MIDEAS: variants seen among roughly 807,000 people sequenced by gnomAD.
MIDEAS encodes mitotic deacetylase-associated SANT domain protein.
In MIDEAS, 26 loss-of-function variants were observed where a neutral mutation model predicts 102.7. That is an observed-to-expected ratio of 0.25 (90% CI 0.19 to 0.35). MIDEAS has a LOEUF of 0.35. MIDEAS is among the 10% of genes least tolerant of loss of function. MIDEAS has a pLI of 1.00. For synonymous variants in MIDEAS, 585 were observed against 591.0 expected, an observed-to-expected ratio of 0.99 and a Z score of 0.15; for missense variants, 1,231 against 1,435.6, an observed-to-expected ratio of 0.86 and a Z score of 2.30.
At chr14:73,781,273 C>T (rs2053754795) in intron 1 of MIDEAS, among the ~76,000 whole-genome samples, 1 of 152,160 alleles carries the variant, frequency 6.6e-6, no homozygotes, top group South Asian at 2.1e-4. Context: ...AAAACTGGGG[C>T]TGGATGATAA....
Position 73,738,837 on chromosome 14 carries a change from C to G in MIDEAS, c.1172G>C (p.Gly391Ala). The change falls in exon 2 of 13, where the codon GGG becomes GCG. Residue 391 changes from glycine (G) to alanine (A), a missense_variant. This residue lies in a region of MIDEAS where 758 missense variants were observed against 856.0 expected (regional missense o/e 0.89). Transcript: ENST00000423556. ...TCCCAGAGCTTCAGGATGGGGCTGC[C>G]CCAGGGAGCCAGGTGGCGGCTGCTG... is the stretch of plus-strand genomic sequence containing the variant. ...PLQQPPPGSL[G>A]QPHPEALGFP... 1 of 1,573,004 alleles carries G rather than the reference C, an allele frequency of 6.4e-7. No homozygotes were observed. The highest frequency in any genetic ancestry group is 1.2e-5 in the South Asian group (1 of 84,848).
chr14:73,781,841 G>A (rs188041472), intron 1 of MIDEAS, among the ~76,000 whole-genome samples: 31 of 151,308 alleles, frequency 2.0e-4, no homozygotes, highest in African/African-American at 6.6e-4. Context: ...TGGATCACCC[G>A]AAGTCAAGGG....
Position 73,739,162 on chromosome 14 carries a change from G to A in MIDEAS, c.847C>T (p.Gln283Ter). ...TGCAGGCCAAAGTCCTGGGGTTGCT[G>A]CGAGGGTTGCTGCGGCATGGAATAG... is the stretch of plus-strand genomic sequence containing the variant. ...NFYSMPQQPSQQPQDFGLQPA... is the reference protein window; with the variant it reads ...NFYSMPQQPS The change falls in exon 2 of 13, where the codon CAG (glutamine) becomes TAG (stop). Residue 283 changes from glutamine to a stop codon, truncating the protein, a stop_gained. Coordinates refer to ENST00000423556, the MANE Select transcript of MIDEAS (RefSeq NM_001367710.1). LOFTEE classifies it high-confidence loss of function. 1 of 1,613,930 alleles carries A rather than the reference G, an allele frequency of 6.2e-7. No homozygotes were observed. The highest frequency in any genetic ancestry group is 2.2e-5 in the East Asian group (1 of 44,884).
At chr14:73,748,731 T>C (rs1021162039) in intron 1 of MIDEAS, among the ~76,000 whole-genome samples, 6 of 145,412 alleles carry the variant, frequency 4.1e-5, no homozygotes, top group African/African-American at 1.6e-4. Context: ...ATCGCGCCAC[T>C]GCACTCCAGC....
Position 73,739,072 on chromosome 14 carries a change from G to C in MIDEAS, c.937C>G (p.Pro313Ala), listed in dbSNP as rs752952951. The C allele has an allele frequency of 2.0e-5, 32 of 1,576,408 alleles. No homozygotes were observed. Among genetic ancestry groups the C allele is most frequent in the Non-Finnish European group, 2.7e-5 (31 of 1,158,276 alleles). The change falls in exon 2 of 13, where the codon CCC (proline) becomes GCC (alanine). Residue 313 changes from proline (P) to alanine (A), a missense_variant. By Grantham distance (27) the Pro-to-Ala change is conservative (BLOSUM62 -1). This residue lies in a region of MIDEAS where 758 missense variants were observed against 856.0 expected (regional missense o/e 0.89). Coordinates refer to ENST00000423556, the MANE Select transcript of MIDEAS (RefSeq NM_001367710.1). ...AGTTCTGGGTTCATATCTGGGTTGG[G>C]GGGGAAGGGGTAGGGTGCCATGCTG... ...HHSMAPYPFP[P>A]NPDMNPELRK...
intron 1 of MIDEAS, among the ~76,000 whole-genome samples, chr14:73,749,873 G>A (rs1251151632): frequency 2.6e-5 from 4 of 152,258 alleles, no homozygotes; most frequent in Middle Eastern, 3.4e-3. Context: ...CTAGGCAGCC[G>A]CAGAGCTCAG....
intron 1 of MIDEAS, among the ~76,000 whole-genome samples, chr14:73,743,649 A>C (rs2053311222): frequency 6.6e-6 from 1 of 152,122 alleles, no homozygotes; most frequent in Admixed American, 6.5e-5. Flanking sequence ...ACAGTGAGGA[A>C]GAGGAAGGAC....
chr14:73,775,214 G>T (rs2053679118), intron 1 of MIDEAS, among the ~76,000 whole-genome samples: 1 of 151,938 alleles, frequency 6.6e-6, no homozygotes, highest in South Asian at 2.1e-4. Context: ...AGGGGTAGTG[G>T]TAAGAAAAAG....
intron 1 of MIDEAS, among the ~76,000 whole-genome samples, chr14:73,771,326 C>T (rs1248604800): frequency 6.6e-6 from 1 of 152,174 alleles, no homozygotes; most frequent in Non-Finnish European, 1.5e-5. Flanking sequence ...CGCATTCTGT[C>T]GGGCAGAGCT....
upstream of MIDEAS, among the ~76,000 whole-genome samples, chr14:73,761,792 C>G (rs1227594492): frequency 1.3e-5 from 2 of 152,220 alleles, no homozygotes; most frequent in African/African-American, 4.8e-5. Flanking sequence ...TGAGTTTTAT[C>G]TCTCTCAATC....
At chr14:73,719,630 T>G (rs918334231) in intron 11 of MIDEAS, 129 bp from the exon 12 acceptor site, 29 of 874,752 alleles carry the variant, frequency 3.3e-5, no homozygotes, top group Non-Finnish European at 5.0e-5. Context: ...AGCATGCACT[T>G]GGGTCCTTCC....
chr14:73,751,203 C>T (rs1471913653), intron 1 of MIDEAS, among the ~76,000 whole-genome samples: 1 of 152,184 alleles, frequency 6.6e-6, no homozygotes. Context: ...CTGAGAAGAC[C>T]TTAGGTCAAA....
intron 1 of MIDEAS, among the ~76,000 whole-genome samples, chr14:73,768,793 A>G (rs2053613883): frequency 6.6e-6 from 1 of 152,154 alleles, no homozygotes; most frequent in Admixed American, 6.5e-5. Flanking sequence ...ACTATTGCCA[A>G]TATTTTTTTT....
intron 11 of MIDEAS, 27 bp downstream of exon 11, chr14:73,721,270 G>C: frequency 6.2e-7 from 1 of 1,607,010 alleles, no homozygotes; most frequent in East Asian, 2.2e-5. Flanking sequence ...GCTTGCCCTG[G>C]GCTCAGCCCA....
intron 1 of MIDEAS, among the ~76,000 whole-genome samples, chr14:73,776,450 A>G (rs772531034): frequency 9.3e-5 from 14 of 150,786 alleles, no homozygotes; most frequent in Non-Finnish European, 3.0e-5. Flanking sequence ...TTGGGAGGCC[A>G]GGGTGGGAGG....
intron 1 of MIDEAS, among the ~76,000 whole-genome samples, chr14:73,778,980 A>T (rs1161860823): frequency 6.6e-6 from 1 of 151,996 alleles, no homozygotes; most frequent in Non-Finnish European, 1.5e-5. Flanking sequence ...ACTTATGCAA[A>T]TTCAAATGGT....
In MIDEAS at chr14:73,739,749, A is replaced by G. The variant is rs1279678966; in HGVS notation, c.260T>C (p.Met87Thr). Reference protein sequence around the residue: ...VYGPERTSAAMLSQQVASVKW... With the variant: ...VYGPERTSAATLSQQVASVKW... ...TACTGAGGCCACCTGCTGGGACAGC[A>G]TGGCTGCTGAGGTCCGCTCAGGCCC... Residue 87 changes from methionine (M) to threonine (T), a missense_variant, in exon 2 of 13, where the codon ATG becomes ACG. Transcript: ENST00000423556. 2 of 1,613,848 alleles carry G rather than the reference A, an allele frequency of 1.2e-6. No homozygotes were observed. Among genetic ancestry groups the G allele is most frequent in the African/African-American group, 2.7e-5 (2 of 75,066 alleles).
intron 1 of MIDEAS, among the ~76,000 whole-genome samples, chr14:73,778,747 C>T (rs1351309561): frequency 6.6e-6 from 1 of 152,018 alleles, no homozygotes; most frequent in African/African-American, 2.4e-5. Context: ...CTCCCAGCCC[C>T]ACACCAGGGC....
chr14:73,745,016 G>T (rs797002312), intron 1 of MIDEAS, among the ~76,000 whole-genome samples: 5 of 152,306 alleles, frequency 3.3e-5, no homozygotes, highest in African/African-American at 9.6e-5. Context: ...CACTTGGTTT[G>T]TATCTGCCTG....
Sources: gnomAD v4.1 joint callset for allele counts (sites outside exome capture counted in the v4.1 genomes callset) on GRCh38, gnomAD v4.1.1 for gene constraint, gnomAD v4.1.1 regional missense constraint, MANE v1.5 for transcripts, NCBI Gene and HGNC (gene_info 2026-07-23, HGNC 2026-07-21) for gene names.